DKKL1: variants seen among roughly 807,000 people sequenced by gnomAD.
DKKL1 encodes dickkopf like acrosomal protein 1.
In DKKL1, 11 loss-of-function variants were observed where a neutral mutation model predicts 16.5. The observed-to-expected ratio is 0.67, with a 90% CI of 0.42 to 1.10. DKKL1 has a LOEUF of 1.10. Ranked by LOEUF, DKKL1 falls within the 50% of genes least tolerant of loss-of-function variation. DKKL1 has a pLI of 0.00. For missense variants in DKKL1, 320 were observed against 308.1 expected (o/e 1.04, Z -0.29); for synonymous variants, 119 against 133.2 (o/e 0.89, Z 0.73).
intron 4 of DKKL1, among the ~76,000 whole-genome samples, chr19:49,366,713 G>GC: frequency 6.9e-6 from 1 of 144,662 alleles, no homozygotes; most frequent in South Asian, 2.2e-4. Context: ...TGTTTTTTTG[G>GC]TTTTTTTTTT....
chr19:49,369,044 G>A (rs1474002024), intron 4 of DKKL1: 3 of 152,174 alleles, frequency 2.0e-5, no homozygotes, highest in African/African-American at 7.2e-5. Context: ...TCCAACCAAT[G>A]GAGACAGGAC....
chr19:49,367,962 GC>G (rs1351162770), intron 4 of DKKL1, among the ~76,000 whole-genome samples: 2 of 152,006 alleles, frequency 1.3e-5, no homozygotes, highest in Non-Finnish European at 2.9e-5. Context: ...GATGACTTGA[GC>G]CCACGAGTTT....
At position 49,372,468 on chromosome 19, in the gene DKKL1, C is replaced by A. The variant is rs180677459; in HGVS notation, c.418-2249C>A. On this transcript the variant is annotated intron_variant, in intron 4 of 4. Transcript: ENST00000221498. ...CAGCACTTTGGGAGACCGAGGCAGGCAGATCATGAGATCAGGATATCAAGA... is the reference window on the plus strand; with the variant it reads ...CAGCACTTTGGGAGACCGAGGCAGGAAGATCATGAGATCAGGATATCAAGA... Among the ~76,000 whole-genome samples the A allele has an allele frequency of 5.9e-5, 9 of 152,144 alleles. No individual in the cohort carries two copies. The East Asian group carries it at 1.5e-3, about 26-fold the overall frequency.
intron 4 of DKKL1, among the ~76,000 whole-genome samples, chr19:49,366,928 G>A (rs966845757): frequency 2.6e-5 from 4 of 151,748 alleles, no homozygotes; most frequent in Non-Finnish European, 5.9e-5. Context: ...GGCTGGTCTC[G>A]AACTCCTGAG....
intron 4 of DKKL1, 72 bp from the exon 5 acceptor site, chr19:49,374,645 A>T: frequency 7.2e-7 from 1 of 1,387,326 alleles, no homozygotes; most frequent in South Asian, 1.6e-5. Flanking sequence ...TGGGCTGAAT[A>T]GGTCAGTGGG....
chr19:49,363,000 G>T (rs577739876), upstream of DKKL1: 1 of 145,284 alleles, frequency 6.9e-6, no homozygotes, highest in South Asian at 2.2e-4. Flanking sequence ...TGACGACCTG[G>T]TTTCCTTGTG....
chr19:49,360,983 AGAGAGGGGGACAGAGACCAGAGG>A, upstream of DKKL1, among the ~76,000 whole-genome samples: 1 of 84,436 alleles, frequency 1.2e-5, no homozygotes, highest in Admixed American at 1.9e-4. Flanking sequence ...AGACCCAGAG[AGAGAGGGGGACAGAGACCAGAGG>A]GAGGGGGGGA....
intron 4 of DKKL1, 78 bp downstream of exon 4, chr19:49,365,963 T>C (rs1336250361): frequency 1.2e-5 from 17 of 1,379,992 alleles, no homozygotes; most frequent in Non-Finnish European, 1.6e-5. Flanking sequence ...AGTCTCACTC[T>C]GTCACCCAGG....
At position 49,365,529 on chromosome 19, in the gene DKKL1, A is replaced by G; in HGVS notation, c.204A>G (p.Ile68Met). Residue 68 changes from isoleucine to methionine, a missense_variant, in exon 3 of 5, where the codon ATA (isoleucine) becomes ATG (methionine). By Grantham distance (10) the Ile-to-Met change is conservative. Coordinates refer to ENST00000221498, the MANE Select transcript of DKKL1 (RefSeq NM_014419.4). ...CCCAGGGTAACCTGCTTCGGGGCAT[A>G]GACAGCTTATTCTCTGCCCCCATGG... ...LFLKGNLLRGIDSLFSAPMDF... is the reference protein window; with the variant it reads ...LFLKGNLLRGMDSLFSAPMDF... 6.2e-7 allele frequency: 1 copy of G among 1,611,356 alleles called. No homozygotes were observed. The highest frequency in any genetic ancestry group is 8.5e-7 in the Non-Finnish European group (1 of 1,178,622).
chr19:49,364,778 G>A (rs1568591406), intron 2 of DKKL1, 24 bp downstream of exon 2: 1 of 1,606,126 alleles, frequency 6.2e-7, no homozygotes. Flanking sequence ...GGGGGATGGG[G>A]GAAGAAGTAC....
At chr19:49,370,545 TG>T (rs1973439640) in intron 4 of DKKL1, 1 of 149,762 alleles carries the variant, frequency 6.7e-6, no homozygotes, top group African/African-American at 2.5e-5. Flanking sequence ...CAGATGGGGA[TG>T]TTTTGCTAAA....
chr19:49,367,481 A>G (rs1973302147), intron 4 of DKKL1, among the ~76,000 whole-genome samples: 1 of 145,106 alleles, frequency 6.9e-6, no homozygotes, highest in Non-Finnish European at 1.5e-5. Flanking sequence ...ATCTCAGCTC[A>G]CTGCAACCTC....
chr19:49,374,065 A>G (rs1314182184), intron 4 of DKKL1, among the ~76,000 whole-genome samples: 3 of 151,672 alleles, frequency 2.0e-5, no homozygotes, highest in African/African-American at 4.8e-5. Flanking sequence ...GCTCACTGCA[A>G]GCTCCGCCTC....
chr19:49,373,882 T>C (rs1333655093), intron 4 of DKKL1, among the ~76,000 whole-genome samples: 3 of 152,088 alleles, frequency 2.0e-5, no homozygotes, highest in Admixed American at 2.0e-4. Flanking sequence ...TTAATTTGCA[T>C]ACCTAACAAC....
Position 49,365,904 on chromosome 19 carries a change from G to A in DKKL1, c.417+19G>A, listed in dbSNP as rs375660056. ...TTTGAAGGTTAGGACGTGCCCCGCC[G>A]TCAAAGTGTCCAGGCCCAAACATTT... On this transcript the variant is annotated intron_variant, in intron 4 of 4. Coordinates refer to ENST00000221498, the MANE Select transcript of DKKL1 (RefSeq NM_014419.4). 43 of 1,608,246 alleles carry A rather than the reference G, an allele frequency of 2.7e-5. No individual in the cohort carries two copies. The highest frequency in any genetic ancestry group is 1.1e-4 in the South Asian group (10 of 90,722).
chr19:49,370,914 A>G (rs1429518206), intron 4 of DKKL1: 2 of 152,244 alleles, frequency 1.3e-5, no homozygotes, highest in Non-Finnish European at 2.9e-5. Flanking sequence ...AGCTTCCTGA[A>G]GAGATGTCCT....
At chr19:49,364,117 A>C in intron 1 of DKKL1, 109 bp downstream of exon 1, 1 of 1,433,174 alleles carries the variant, frequency 7.0e-7, no homozygotes, top group Non-Finnish European at 9.6e-7. Flanking sequence ...TGGGAGGCCC[A>C]GGTGGGCGGA....
chr19:49,363,883 G>A lies in DKKL1; in HGVS notation c.-116G>A. 1 of 1,439,744 alleles carries A rather than the reference G, an allele frequency of 6.9e-7. No individual in the cohort carries two copies. Among genetic ancestry groups the A allele is most frequent in the Admixed American group, 2.0e-5 (1 of 50,740 alleles). 89.2% of individuals were successfully genotyped at this position (1,439,744 alleles called of 1,614,324 possible). On this transcript the variant is annotated 5_prime_UTR_variant, in exon 1 of 5. Coordinates refer to ENST00000221498, the MANE Select transcript of DKKL1 (RefSeq NM_014419.4). ...GCAACCAACGCTCTAGACCAGACCTGGGCTCGAGACCATAACTGTTTGGCT... is the reference window on the plus strand; with the variant it reads ...GCAACCAACGCTCTAGACCAGACCTAGGCTCGAGACCATAACTGTTTGGCT...
chr19:49,366,712 G>GTT (rs1973263409), intron 4 of DKKL1, among the ~76,000 whole-genome samples: 4 of 96,256 alleles, frequency 4.2e-5, no homozygotes, highest in African/African-American at 5.6e-5. Flanking sequence ...TTGTTTTTTT[G>GTT]GTTTTTTTTT....
Sources: gnomAD v4.1 joint callset for allele counts (sites outside exome capture counted in the v4.1 genomes callset) on GRCh38, gnomAD v4.1.1 for gene constraint, MANE v1.5 for transcripts, NCBI Gene and HGNC (gene_info 2026-07-23, HGNC 2026-07-21) for gene names.